Variants in MYO5A observed in about 807,000 individuals in gnomAD.
MYO5A encodes the protein unconventional myosin-Va.
MYO5A carries 98 observed loss-of-function variants against 249.7 expected under a neutral mutation model. That is an observed-to-expected ratio of 0.39 (90% CI 0.33 to 0.46). MYO5A has a LOEUF of 0.46. Among genes scored for constraint, MYO5A ranks in the 20% least tolerant of loss-of-function variants. MYO5A has a pLI of 0.98. For missense variants in MYO5A, 1,696 were observed against 2,308.8 expected (o/e 0.73, Z 5.44); for synonymous variants, 778 against 810.6 (o/e 0.96, Z 0.68).
At position 52,410,394 on chromosome 15, in the gene MYO5A, T is replaced by A; in HGVS notation, c.695A>T (p.Tyr232Phe). ...TCTCATATTGGCACCAATGATTCGA[T>A]ATCTCTTATCAAAACCAATCTCAAT... ...KYIEIGFDKR[Y>F]RIIGANMRTY... is the part of the protein sequence containing the mutation. The change falls in exon 6 of 42, where the codon TAT (tyrosine) becomes TTT (phenylalanine). Residue 232 changes from tyrosine (Y) to phenylalanine (F), a missense_variant. Around this residue, in one of 5 missense-constraint regions of MYO5A, gnomAD observed 197 missense variants for 320.3 expected, o/e 0.62. Coordinates refer to ENST00000399233, the MANE Select transcript of MYO5A (RefSeq NM_001382347.1). The A allele has an allele frequency of 6.2e-7, 1 of 1,613,456 alleles. No individual in the cohort carries two copies. Among genetic ancestry groups the A allele is most frequent in the Non-Finnish European group, 8.5e-7 (1 of 1,179,400 alleles).
chr15:52,468,050 T>G (rs1046798679), intron 1 of MYO5A, among the ~76,000 whole-genome samples: 1 of 151,828 alleles, frequency 6.6e-6, no homozygotes, highest in Non-Finnish European at 1.5e-5. Flanking sequence ...ATTTAAAAAG[T>G]TAAACAAAGA....
At chr15:52,519,641 A>G (rs1026069071) in intron 1 of MYO5A, among the ~76,000 whole-genome samples, 1 of 151,886 alleles carries the variant, frequency 6.6e-6, no homozygotes, top group East Asian at 1.9e-4. Context: ...TAATAATAAT[A>G]ATACATGAAA....
At chr15:52,346,488 A>G in intron 29 of MYO5A, 27 bp from the exon 30 acceptor site, 1 of 1,384,794 alleles carries the variant, frequency 7.2e-7, no homozygotes, top group Non-Finnish European at 1.0e-6. Flanking sequence ...ACATTTACGC[A>G]TTAAGATTCA....
intron 1 of MYO5A, among the ~76,000 whole-genome samples, chr15:52,506,360 A>G (rs1160230974): frequency 6.6e-6 from 1 of 151,636 alleles, no homozygotes; most frequent in African/African-American, 2.4e-5. Context: ...CAAAAAAATA[A>G]TAATAATAAA....
Position 52,507,291 on chromosome 15 carries a change from T to C in MYO5A, c.27+21489A>G, listed in dbSNP as rs538003302. 2.0e-5 allele frequency among the ~76,000 whole-genome samples: 3 copies of C among 152,312 alleles called. No individual in the cohort carries two copies. The East Asian group carries it at 5.8e-4, about 29-fold the overall frequency. On this transcript the variant is annotated intron_variant, in intron 1 of 41. Transcript: ENST00000399233. Reference sequence around the variant, plus strand: ...CTGGGTGCAGTACCTTTAAAAGCCCTCGTTTAGAATACAGTTCTCCTTTCC... The same window carrying C: ...CTGGGTGCAGTACCTTTAAAAGCCCCCGTTTAGAATACAGTTCTCCTTTCC...
chr15:52,416,270 C>T lies in MYO5A; in HGVS notation c.487G>A (p.Gly163Arg), dbSNP rs746418214. 6.2e-7 allele frequency: 1 copy of T among 1,614,058 alleles called. No individual in the cohort carries two copies. Among genetic ancestry groups the T allele is most frequent in the Non-Finnish European group, 8.5e-7 (1 of 1,179,966 alleles). ...ACTGTTTTTCCTGCCCCAGACTCTCCACTTACGATGATGGACTGATTTCGT... is the reference window on the plus strand; with the variant it reads ...ACTGTTTTTCCTGCCCCAGACTCTCTACTTACGATGATGGACTGATTTCGT... ...DERNQSIIVSGESGAGKTVSA... is the reference protein window; with the variant it reads ...DERNQSIIVSRESGAGKTVSA... The change falls in exon 5 of 42, where the codon GGA becomes AGA. Residue 163 changes from glycine (G) to arginine (R), a missense_variant. Physicochemically the swap from Gly to Arg is moderately radical, Grantham distance 125. This residue lies in a region of MYO5A where 197 missense variants were observed against 320.3 expected (regional missense o/e 0.62). Coordinates refer to ENST00000399233, the MANE Select transcript of MYO5A (RefSeq NM_001382347.1).
chr15:52,395,949 T>C (rs2042468630), intron 11 of MYO5A, among the ~76,000 whole-genome samples: 1 of 152,226 alleles, frequency 6.6e-6, no homozygotes, highest in African/African-American at 2.4e-5. Flanking sequence ...ATCTTGCTAA[T>C]ATAGCAAGTA....
intron 1 of MYO5A, among the ~76,000 whole-genome samples, chr15:52,486,059 T>C (rs1567170899): frequency 6.6e-6 from 1 of 152,218 alleles, no homozygotes; most frequent in African/African-American, 2.4e-5. Flanking sequence ...TTAAATCACA[T>C]TCCTCTTCTA....
chr15:52,504,196 A>ATCC (rs1432397196), intron 1 of MYO5A, among the ~76,000 whole-genome samples: 2 of 151,962 alleles, frequency 1.3e-5, no homozygotes, highest in Non-Finnish European at 2.9e-5. Context: ...CTACACACTC[A>ATCC]TCCTTTAATT....
chr15:52,330,474 T>C lies in MYO5A; in HGVS notation c.4434A>G (p.Pro1478=), dbSNP rs754224870. 17 of 1,614,092 alleles carry C rather than the reference T, an allele frequency of 1.1e-5. No individual in the cohort carries two copies. The Admixed American group carries it at 1.8e-4, about 17-fold the overall frequency. Residue 1478 remains proline, a synonymous_variant, in exon 35 of 42, where the codon CCA becomes CCG. Coordinates refer to ENST00000399233, the MANE Select transcript of MYO5A (RefSeq NM_001382347.1). ...GGATGGGTTCATCAATGATCTGTCC[T>C]GGGGATATGTTCTCCATCTGGCCCA... ...LEVGQMENIS[P]GQIIDEPIRP...
At chr15:52,377,594 T>C (rs2041487597) in intron 18 of MYO5A, among the ~76,000 whole-genome samples, 1 of 137,776 alleles carries the variant, frequency 7.3e-6, no homozygotes, top group South Asian at 2.3e-4. Context: ...TTTTTTGAGA[T>C]GAGTCTCGCT....
At chr15:52,376,222 T>A in intron 19 of MYO5A, 125 bp downstream of exon 19, 1 of 847,540 alleles carries the variant, frequency 1.2e-6, no homozygotes. Context: ...TATGAGTTAA[T>A]TTGTTGTCCC....
chr15:52,425,800 C>T (rs1567114345), intron 4 of MYO5A, 30 bp downstream of exon 4: 1 of 1,610,992 alleles, frequency 6.2e-7, no homozygotes, highest in Admixed American at 1.7e-5. Context: ...TAATAACTGC[C>T]ATAAAATAAC....
At chr15:52,482,483 T>A (rs148019649) in intron 1 of MYO5A, among the ~76,000 whole-genome samples, 17 of 152,318 alleles carry the variant, frequency 1.1e-4, no homozygotes, top group Admixed American at 4.6e-4. Context: ...ACAGGAATCC[T>A]GGGCCAGAGT....
In MYO5A at chr15:52,370,203, T is replaced by A; in HGVS notation, c.3032A>T (p.Glu1011Val). Residue 1011 changes from glutamate to valine, a missense_variant, in exon 22 of 42, where the codon GAA becomes GTA. Glu to Val is a moderately radical substitution (Grantham distance 121). Coordinates refer to ENST00000399233, the MANE Select transcript of MYO5A (RefSeq NM_001382347.1). ...QTRSEKKCIE[E>V]HADRYKQETE... Reference sequence around the variant, plus strand: ...TTCTTGTTTGTATCGATCTGCATGTTCCTCAATGCATTTTTTCTCTGAACG... The same window carrying A: ...TTCTTGTTTGTATCGATCTGCATGTACCTCAATGCATTTTTTCTCTGAACG... The A allele has an allele frequency of 6.2e-7, 1 of 1,614,124 alleles. No homozygotes were observed. The highest frequency in any genetic ancestry group is 8.5e-7 in the Non-Finnish European group (1 of 1,179,980).
At chr15:52,322,249 G>A (rs1306260793) in intron 37 of MYO5A, among the ~76,000 whole-genome samples, 1 of 152,214 alleles carries the variant, frequency 6.6e-6, no homozygotes, top group East Asian at 1.9e-4. Flanking sequence ...TGCAGTCAAC[G>A]ACCCCTCTGA....
At chr15:52,419,978 T>A (rs146838640) in intron 4 of MYO5A, among the ~76,000 whole-genome samples, 45 of 152,290 alleles carry the variant, frequency 3.0e-4, no homozygotes, top group African/African-American at 1.0e-3. Flanking sequence ...GCAAACTGAA[T>A]CCTCAATACA....
intron 1 of MYO5A, among the ~76,000 whole-genome samples, chr15:52,449,062 G>A (rs1349752629): frequency 6.5e-5 from 9 of 138,466 alleles, no homozygotes; most frequent in South Asian, 2.3e-4. Context: ...TCTGTCTCCC[G>A]GGTTCAAGCG....
intron 1 of MYO5A, among the ~76,000 whole-genome samples, chr15:52,466,186 C>T (rs1437018793): frequency 6.6e-6 from 1 of 152,202 alleles, no homozygotes; most frequent in Non-Finnish European, 1.5e-5. Context: ...CTAGCTCTTA[C>T]TTAGCAAGCT....
Sources: gnomAD v4.1 joint callset for allele counts (sites outside exome capture counted in the v4.1 genomes callset) on GRCh38, gnomAD v4.1.1 for gene constraint, gnomAD v4.1.1 regional missense constraint, MANE v1.5 for transcripts, NCBI Gene and HGNC (gene_info 2026-07-23, HGNC 2026-07-21) for gene names.